P4HA3: variants seen among roughly 807,000 people sequenced by gnomAD.
The protein encoded by P4HA3 is prolyl 4-hydroxylase subunit alpha-3.
A neutral mutation model predicts 66.7 loss-of-function variants in P4HA3; 60 were observed. The ratio of observed to expected loss-of-function variants is 0.90; its 90% CI spans 0.73 to 1.12. The LOEUF (loss-of-function observed/expected upper bound fraction) is 1.12. Ranked by LOEUF, P4HA3 falls within the 50% of genes most tolerant of loss-of-function variation. The pLI, the probability that P4HA3 is intolerant of heterozygous loss-of-function variation, is 0.00. For synonymous variants in P4HA3, 263 were observed against 274.6 expected, an observed-to-expected ratio of 0.96 and a Z score of 0.42; for missense variants, 683 against 685.8, an observed-to-expected ratio of 1.00 and a Z score of 0.05.
intron 15 of P4HA3, among the ~76,000 whole-genome samples, chr11:74,252,765 A>G (rs1037269998): frequency 6.6e-5 from 10 of 152,076 alleles, no homozygotes; most frequent in Non-Finnish European, 1.0e-4. Flanking sequence ...TTCCCCCTCT[A>G]TTGGTCTAGA....
intron 15 of P4HA3, chr11:74,251,215 A>G: frequency 7.1e-7 from 1 of 1,411,356 alleles, no homozygotes; most frequent in Non-Finnish European, 9.2e-7. Context: ...TGTGCTGAGG[A>G]GCTACTGACA....
At chr11:74,290,279 T>G (rs1565415596) in intron 4 of P4HA3, among the ~76,000 whole-genome samples, 2 of 152,216 alleles carry the variant, frequency 1.3e-5, no homozygotes, top group Non-Finnish European at 2.9e-5. Context: ...TTGCCCACTT[T>G]TTGATGGGGT....
rs777535826 is a variant in P4HA3 at position 74,268,143 on chromosome 11, A to G, written c.1564+2T>C. On this transcript the variant is annotated splice_donor_variant, in intron 12 of 12. Transcript: ENST00000331597. LOFTEE classifies it high-confidence loss of function. ...TCTCATGCCCAGAAAGGCAAGACTT[A>G]CCCCACTTATCTCCCACCAGGACAG... 7 of 1,612,808 alleles carry G rather than the reference A, an allele frequency of 4.3e-6. No individual in the cohort carries two copies. In the African/African-American group the frequency reaches 9.3e-5, roughly 22 times the overall value.
At position 74,304,357 on chromosome 11, in the gene P4HA3, G is replaced by T; in HGVS notation, c.256C>A (p.Pro86Thr). The change falls in exon 2 of 13, where the codon CCT becomes ACT. Residue 86 changes from proline (P) to threonine (T), a missense_variant. Coordinates refer to ENST00000331597, the MANE Select transcript of P4HA3 (RefSeq NM_182904.5). ...HEDSTTPVAN[P>T]LLAFTLIKRL... is the part of the protein sequence containing the mutation. ...TTGATGAGAGTAAATGCAAGCAGAGGGTTAGCCACAGGGGTTGTTGAATCC... is the reference window on the plus strand; with the variant it reads ...TTGATGAGAGTAAATGCAAGCAGAGTGTTAGCCACAGGGGTTGTTGAATCC... The T allele has an allele frequency of 6.2e-7, 1 of 1,614,070 alleles. No homozygotes were observed. Among genetic ancestry groups the T allele is most frequent in the Non-Finnish European group, 8.5e-7 (1 of 1,179,952 alleles).
In P4HA3 at chr11:74,267,077, A is replaced by C; in HGVS notation, c.*171T>G. ...TGGGGCAGATCAAATGTACATTCTC[A>C]GTGTCCCCTGGTAACAACCTCTCCC... On this transcript the variant is annotated 3_prime_UTR_variant, in exon 13 of 13. Coordinates refer to ENST00000331597, the MANE Select transcript of P4HA3 (RefSeq NM_182904.5). 1 of 1,537,492 alleles carries C rather than the reference A, an allele frequency of 6.5e-7. No individual in the cohort carries two copies. Among genetic ancestry groups the C allele is most frequent in the African/African-American group, 1.4e-5 (1 of 73,210 alleles).
intron 10 of P4HA3, among the ~76,000 whole-genome samples, chr11:74,270,062 T>TAC (rs140003117): frequency 3.3e-5 from 5 of 151,362 alleles, no homozygotes; most frequent in African/African-American, 9.7e-5. Flanking sequence ...CACACACACA[T>TAC]ACACACACAC....
At chr11:74,262,838 C>T (rs1025241070), downstream of P4HA3, among the ~76,000 whole-genome samples, 2 of 152,200 alleles carry the variant, frequency 1.3e-5, no homozygotes, top group African/African-American at 4.8e-5. Flanking sequence ...TTCAGTGGTT[C>T]CATGAAAGGG....
intron 1 of P4HA3, among the ~76,000 whole-genome samples, chr11:74,305,794 G>A (rs1165087453): frequency 3.3e-5 from 5 of 152,020 alleles, no homozygotes; most frequent in Admixed American, 2.0e-4. Context: ...ATATTTCTAT[G>A]AAAGAAAGAA....
At chr11:74,264,432 G>T (rs1344753125), downstream of P4HA3, among the ~76,000 whole-genome samples, 2 of 152,164 alleles carry the variant, frequency 1.3e-5, no homozygotes, top group Admixed American at 1.3e-4. Flanking sequence ...TTCAAGATTT[G>T]CTCAAGTCCC....
At chr11:74,310,303 A>G (rs979999771) in intron 1 of P4HA3, among the ~76,000 whole-genome samples, 4 of 152,196 alleles carry the variant, frequency 2.6e-5, no homozygotes, top group Non-Finnish European at 4.4e-5. Context: ...TCAGCATCCC[A>G]AGTCTGACAA....
chr11:74,285,705 C>T (rs1860768975), intron 7 of P4HA3, 104 bp downstream of exon 7: 5 of 1,257,958 alleles, frequency 4.0e-6, no homozygotes, highest in Admixed American at 2.2e-5. Flanking sequence ...AACTCCTTGG[C>T]TCTTTGAGGT....
At chr11:74,299,110 C>T (rs1861316695) in intron 3 of P4HA3, among the ~76,000 whole-genome samples, 1 of 152,174 alleles carries the variant, frequency 6.6e-6, no homozygotes, top group Non-Finnish European at 1.5e-5. Context: ...ATGCATTAGA[C>T]ACCATAATGA....
chr11:74,275,009 T>C (rs1407311201), intron 9 of P4HA3, among the ~76,000 whole-genome samples: 1 of 152,210 alleles, frequency 6.6e-6, no homozygotes, highest in Non-Finnish European at 1.5e-5. Context: ...AATAACTTTC[T>C]GTCCATTAAA....
At chr11:74,284,498 C>T (rs1486076479) in intron 7 of P4HA3, among the ~76,000 whole-genome samples, 1 of 152,072 alleles carries the variant, frequency 6.6e-6, no homozygotes, top group East Asian at 1.9e-4. Context: ...GGGATGGCTT[C>T]AATCAAAATT....
chr11:74,285,200 A>T (rs1415212885), intron 7 of P4HA3, among the ~76,000 whole-genome samples: 1 of 152,100 alleles, frequency 6.6e-6, no homozygotes, highest in Non-Finnish European at 1.5e-5. Context: ...AGAAAGTAAA[A>T]TTGCAAATAA....
intron 15 of P4HA3, among the ~76,000 whole-genome samples, chr11:74,259,191 C>T (rs1337712234): frequency 6.6e-6 from 1 of 152,150 alleles, no homozygotes; most frequent in African/African-American, 2.4e-5. Flanking sequence ...GAGGCTTGGC[C>T]AACATGGCGA....
In P4HA3 at chr11:74,273,545, A is replaced by G; in HGVS notation, c.1398T>C (p.Tyr466=). ...SGNRVATFMI[Y]LSSVEAGGAT... ...GTAAGAAGCCCAGAGCAATACTCAC[A>G]TAGATCATAAATGTTGCAACTCGGT... The change falls in exon 10 of 13, where the codon TAT becomes TAC. Residue 466 remains tyrosine, a splice_region_variant and synonymous_variant. Transcript: ENST00000331597. 1.3e-6 allele frequency: 2 copies of G among 1,552,732 alleles called. No individual in the cohort carries two copies. Among genetic ancestry groups the G allele is most frequent in the South Asian group, 2.5e-5 (2 of 79,926 alleles).
At chr11:74,274,169 T>C (rs76631310) in intron 9 of P4HA3, among the ~76,000 whole-genome samples, 6,055 of 152,288 alleles carry the variant, frequency 0.04, 128 homozygotes, top group Middle Eastern at 0.11. Flanking sequence ...ATCCCTGCTC[T>C]CACCTCCAAC....
At chr11:74,306,518 A>G (rs1292581154) in intron 1 of P4HA3, among the ~76,000 whole-genome samples, 1 of 152,220 alleles carries the variant, frequency 6.6e-6, no homozygotes, top group Non-Finnish European at 1.5e-5. Context: ...TGGAAGTAGA[A>G]GAAAAAAAAG....
Sources: gnomAD v4.1 joint callset for allele counts (sites outside exome capture counted in the v4.1 genomes callset) on GRCh38, gnomAD v4.1.1 for gene constraint, MANE v1.5 for transcripts, NCBI Gene and HGNC (gene_info 2026-07-23, HGNC 2026-07-21) for gene names.